The following TFE3 variants were observed in gnomAD, a reference collection of about 807,000 sequenced individuals.
TFE3 encodes the protein transcription factor E3.
In TFE3, 5 loss-of-function variants were observed where a neutral mutation model predicts 35.0. The ratio of observed to expected loss-of-function variants is 0.14; its 90% CI spans 0.07 to 0.30. TFE3 has a LOEUF of 0.30. Among genes scored for constraint, TFE3 ranks in the 10% least tolerant of loss-of-function variants. TFE3 has a pLI of 1.00. For synonymous variants in TFE3, 211 were observed against 215.6 expected (o/e 0.98, Z 0.18); for missense variants, 374 against 496.6 (o/e 0.75, Z 2.35).
rs2064743670 is a variant in TFE3 at position 49,038,561 on chromosome X, A to C, written c.535-119T>G. 5.4e-6 allele frequency: 5 copies of C among 927,944 alleles called. No homozygotes were observed. In the South Asian group the frequency reaches 1.2e-4, roughly 22 times the overall value. The allele number at this position is 927,944 out of a possible 1,213,427, so 76.5% of individuals were successfully genotyped here. On this transcript the variant is annotated intron_variant, in intron 3 of 9. Transcript: ENST00000315869. ...ATTGGTGCCTAGACTCACGCAGACA[A>C]GCTGGGCCCAGAATCTGAGAACACC...
In TFE3 at chrX:49,038,356, G is replaced by A. The variant is rs781835878; in HGVS notation, c.621C>T (p.Leu207=). The A allele has an allele frequency of 1.7e-6, 2 of 1,204,778 alleles. No individual in the cohort carries two copies. The highest frequency in any genetic ancestry group is 1.1e-6 in the Non-Finnish European group (1 of 893,864). The change falls in exon 4 of 10, where the codon CTC becomes CTT. Residue 207 remains leucine, a synonymous_variant. Transcript: ENST00000315869. ...QQVKQYLSTT[L]GPKLASQALT... ...GGGCCTGGGAAGCCAGCTTGGGCCCGAGTGTGGTGGACAGGTACTGTTTCA... is the reference window on the plus strand; with the variant it reads ...GGGCCTGGGAAGCCAGCTTGGGCCCAAGTGTGGTGGACAGGTACTGTTTCA...
At position 49,031,477 on chromosome X, in the gene TFE3, C is replaced by T. The variant is rs782232076; in HGVS notation, c.1204G>A (p.Glu402Lys). The T allele has an allele frequency of 3.3e-6, 4 of 1,203,993 alleles. No individual in the cohort carries two copies. Among genetic ancestry groups the T allele is most frequent in the Non-Finnish European group, 4.5e-6 (4 of 891,527 alleles). ...SVDYIRKLQK[E>K]QQRSKDLESR... Reference sequence around the variant, plus strand: ...TCCAGGTCTTTGGAGCGCTGCTGCTCCTTCTGCAGCTTGCGGATATAATCC... The same window carrying T: ...TCCAGGTCTTTGGAGCGCTGCTGCTTCTTCTGCAGCTTGCGGATATAATCC... The change falls in exon 9 of 10, where the codon GAG (glutamate) becomes AAG (lysine). Residue 402 changes from glutamate (E) to lysine (K), a missense_variant. Glu to Lys is a moderately conservative substitution (Grantham distance 56). Coordinates refer to ENST00000315869, the MANE Select transcript of TFE3 (RefSeq NM_006521.6).
chrX:49,041,851 TTGCTGG>T (rs782205358), intron 1 of TFE3, among the ~76,000 whole-genome samples: 10 of 111,730 alleles, frequency 9.0e-5, no homozygotes, highest in Non-Finnish European at 1.9e-4. Flanking sequence ...TGCTGAGAGA[TTGCTGG>T]TGACTTCACT....
At position 49,030,021 on chromosome X, in the gene TFE3, G is replaced by A; in HGVS notation, c.*137C>T. 1.5e-6 allele frequency: 1 copy of A among 685,915 alleles called. No homozygotes were observed. Among genetic ancestry groups the A allele is most frequent in the East Asian group, 3.2e-5 (1 of 31,190 alleles). 56.5% of individuals were successfully genotyped at this position (685,915 alleles called of 1,213,427 possible). The stretch of plus-strand genomic sequence containing the variant: ...CTCCTTGCCTGATTACAGGGGTGGG[G>A]CCTGATCACATCTCCTCTTCCCCCA... On this transcript the variant is annotated 3_prime_UTR_variant, in exon 10 of 10. Coordinates refer to ENST00000315869, the MANE Select transcript of TFE3 (RefSeq NM_006521.6).
rs1557073585 is a variant in TFE3 at position 49,030,619 on chromosome X, T to C, written c.1285-18A>G. 1 of 1,176,129 alleles carries C rather than the reference T, an allele frequency of 8.5e-7. No homozygotes were observed. Among genetic ancestry groups the C allele is most frequent in the Non-Finnish European group, 1.2e-6 (1 of 869,195 alleles). ...TCTAGTTCCTGTAAAAAATAGGGGT[T>C]GGGTGCAGGATAAGTAGGGTTCAGA... On this transcript the variant is annotated intron_variant, in intron 9 of 9. Transcript: ENST00000315869.
At chrX:49,035,981 G>A (rs1206382579) in intron 5 of TFE3, among the ~76,000 whole-genome samples, 2 of 106,668 alleles carry the variant, frequency 1.9e-5, no homozygotes, top group Non-Finnish European at 3.9e-5. Context: ...ACCAGCCTGG[G>A]CAACACAGTG....
Position 49,038,380 on chromosome X carries a change from C to T in TFE3, c.597G>A (p.Val199=). ...YHLQQARRQQ[V]KQYLSTTLGP... is the part of the protein sequence containing the mutation. ...CGAGTGTGGTGGACAGGTACTGTTT[C>T]ACCTGCTGCCGGCGCGCCTGCTGCA... The change falls in exon 4 of 10, where the codon GTG becomes GTA. Residue 199 remains valine (V), a synonymous_variant. Coordinates refer to ENST00000315869, the MANE Select transcript of TFE3 (RefSeq NM_006521.6). The T allele has an allele frequency of 8.3e-7, 1 of 1,205,258 alleles. No individual in the cohort carries two copies. The highest frequency in any genetic ancestry group is 1.8e-5 in the South Asian group (1 of 56,309).
At chrX:49,043,071 G>A (rs1431465711) in intron 1 of TFE3, 40 bp downstream of exon 1, 4 of 1,076,627 alleles carry the variant, frequency 3.7e-6, no homozygotes, top group Admixed American at 2.9e-5. Flanking sequence ...AGGCCCCTGG[G>A]AGCCCCAGTC....
chrX:49,040,465 G>A lies in TFE3; in HGVS notation c.220C>T (p.Leu74Phe). 8.3e-7 allele frequency: 1 copy of A among 1,207,374 alleles called. No homozygotes were observed. Among genetic ancestry groups the A allele is most frequent in the Non-Finnish European group, 1.1e-6 (1 of 891,656 alleles). Residue 74 changes from leucine to phenylalanine, a missense_variant, in exon 2 of 10, where the codon CTT becomes TTT. Leu to Phe is a conservative substitution (Grantham distance 22, BLOSUM62 0). Coordinates refer to ENST00000315869, the MANE Select transcript of TFE3 (RefSeq NM_006521.6). ...FYELKSQPLP[L>F]RSSLPISLQA... Reference sequence around the variant, plus strand: ...ACAAGTCATACATACCTTGAGCGAAGGGGTAAGGGTTGGCTTTTGAGCTCG... The same window carrying A: ...ACAAGTCATACATACCTTGAGCGAAAGGGTAAGGGTTGGCTTTTGAGCTCG...
chrX:49,029,291 T>C lies in TFE3; in HGVS notation c.*867A>G. 5.5e-6 allele frequency: 1 copy of C among 180,217 alleles called. No individual in the cohort carries two copies. 14.9% of individuals were successfully genotyped at this position (180,217 alleles called of 1,213,427 possible). A position where few individuals can be genotyped will look rare whatever the true frequency, so the allele number is the denominator to read the frequency against. ...GGTCTGGAAAATTCATCCATGAAAT[T>C]TCATAATCTGTCCCCTTCCCCAAGA... On this transcript the variant is annotated 3_prime_UTR_variant, in exon 10 of 10. Coordinates refer to ENST00000315869, the MANE Select transcript of TFE3 (RefSeq NM_006521.6).
At position 49,028,817 on chromosome X, in the gene TFE3, T is replaced by C. The variant is rs187313034; in HGVS notation, c.*1341A>G. On this transcript the variant is annotated 3_prime_UTR_variant, in exon 10 of 10. Transcript: ENST00000315869. Reference sequence around the variant, plus strand: ...CCCTCAGTATACCCTCCATGGGGCCTGGCCCCAGCAATCCAAAGCTGACAA... The same window carrying C: ...CCCTCAGTATACCCTCCATGGGGCCCGGCCCCAGCAATCCAAAGCTGACAA... 392 of 168,835 alleles carry C rather than the reference T, an allele frequency of 2.3e-3. 1 individual carries two copies. Among genetic ancestry groups the C allele is most frequent in the African/African-American group, 0.011 (367 of 33,458 alleles). The allele number at this position is 168,835 out of a possible 1,213,427, so 13.9% of individuals were successfully genotyped here. A position where few individuals can be genotyped will look rare whatever the true frequency, so the allele number is the denominator to read the frequency against.
At chrX:49,043,041 C>T in intron 1 of TFE3, 70 bp downstream of exon 1, 1 of 940,573 alleles carries the variant, frequency 1.1e-6, no homozygotes, top group Non-Finnish European at 1.4e-6. Context: ...CAGTCCGGGG[C>T]CCCCACTGCC....
chrX:49,030,584 G>A lies in TFE3; in HGVS notation c.1302C>T (p.Ala434=), dbSNP rs1462669252. 1.2e-5 allele frequency: 14 copies of A among 1,207,345 alleles called. 1 individual carries two copies. The Admixed American group carries it at 3.1e-4, about 27-fold the overall frequency. ...QLRIQELELQ[A]QIHGLPVPPT... is the part of the protein sequence containing the mutation. ...GAGGTACTGGCAGGCCATGGATCTG[G>A]GCCTGCAGTTCTAGTTCCTGTAAAA... Residue 434 remains alanine, a synonymous_variant, in exon 10 of 10, where the codon GCC becomes GCT. Coordinates refer to ENST00000315869, the MANE Select transcript of TFE3 (RefSeq NM_006521.6).
rs782672539 is a variant in TFE3 at position 49,038,268 on chromosome X, T to C, written c.709A>G (p.Thr237Ala). 8.3e-7 allele frequency: 1 copy of C among 1,207,549 alleles called. No homozygotes were observed. The highest frequency in any genetic ancestry group is 1.1e-6 in the Non-Finnish European group (1 of 894,107). The part of the protein sequence containing the change: ...PLPAPEAAHT[T>A]GPTGSAPNSP... ...TTGGGCGCACTGCCTGTGGGGCCGG[T>C]AGTGTGGGCAGCCTCAGGGGCAGGC... Residue 237 changes from threonine (T) to alanine (A), a missense_variant, in exon 4 of 10, where the codon ACC becomes GCC. Thr to Ala is a moderately conservative substitution (Grantham distance 58, BLOSUM62 0). Transcript: ENST00000315869.
chrX:49,038,900 G>A (rs1255520032), intron 3 of TFE3, among the ~76,000 whole-genome samples: 1 of 109,899 alleles, frequency 9.1e-6, no homozygotes. Context: ...TGGCCCCCAC[G>A]AACTCCTCGC....
At chrX:49,041,650 C>T (rs2064761192) in intron 1 of TFE3, among the ~76,000 whole-genome samples, 1 of 110,931 alleles carries the variant, frequency 9.0e-6, no homozygotes, top group Non-Finnish European at 1.9e-5. Flanking sequence ...CCCACTGGCG[C>T]ACAAAATAAG....
At chrX:49,034,080 A>G in intron 6 of TFE3, 54 bp downstream of exon 6, 1 of 1,035,997 alleles carries the variant, frequency 9.7e-7, no homozygotes, top group Non-Finnish European at 1.4e-6. Context: ...TGGTAGGCAC[A>G]GGGCTCACCT....
intron 5 of TFE3, 130 bp downstream of exon 5, chrX:49,037,880 A>G: frequency 1.8e-6 from 1 of 570,927 alleles, no homozygotes. Context: ...TGTTCTCGTC[A>G]TAAGGCCTCC....
intron 5 of TFE3, among the ~76,000 whole-genome samples, chrX:49,035,957 C>T (rs2064727005): frequency 9.2e-6 from 1 of 108,799 alleles, no homozygotes; most frequent in Non-Finnish European, 1.9e-5. Flanking sequence ...ATGGCTTGAG[C>T]TCAGGAGTTC....
Sources: gnomAD v4.1 joint callset for allele counts (sites outside exome capture counted in the v4.1 genomes callset) on GRCh38, gnomAD v4.1.1 for gene constraint, MANE v1.5 for transcripts, NCBI Gene and HGNC (gene_info 2026-07-23, HGNC 2026-07-21) for gene names.